Variants in PRKX observed in about 807,000 individuals in gnomAD.
PRKX encodes cAMP-dependent protein kinase catalytic subunit PRKX.
PRKX carries 12 observed loss-of-function variants against 22.0 expected under a neutral mutation model. The observed-to-expected ratio is 0.54, with a 90% CI of 0.35 to 0.88. PRKX has a LOEUF of 0.88. Ranked by LOEUF, PRKX falls within the 40% of genes least tolerant of loss-of-function variation. The probability of loss-of-function intolerance (pLI) is 0.01; values close to 1 mark genes in which losing one functional copy is unlikely to be tolerated. For missense variants in PRKX, 217 were observed against 308.0 expected (o/e 0.70, Z 2.21); for synonymous variants, 134 against 137.7 (o/e 0.97, Z 0.19).
intron 1 of PRKX, among the ~76,000 whole-genome samples, chrX:3,679,980 T>A (rs1242884430): frequency 9.0e-6 from 1 of 111,293 alleles, no homozygotes; most frequent in Non-Finnish European, 1.9e-5. Flanking sequence ...TCAGGTCTCC[T>A]CTCTCCCACT....
At chrX:3,650,600 C>T (rs112530893) in intron 3 of PRKX, among the ~76,000 whole-genome samples, 36 of 96,553 alleles carry the variant, frequency 3.7e-4, no homozygotes, top group African/African-American at 1.3e-3. Context: ...TATTCAAGGC[C>T]GGGCACGGTG....
At chrX:3,639,701 T>C in intron 4 of PRKX, among the ~76,000 whole-genome samples, 1 of 110,863 alleles carries the variant, frequency 9.0e-6, no homozygotes, top group African/African-American at 3.3e-5. Flanking sequence ...CGGGTTCCAC[T>C]CTCCTCCTGC....
At chrX:3,650,376 C>A (rs1416699404) in intron 3 of PRKX, among the ~76,000 whole-genome samples, 6 of 106,681 alleles carry the variant, frequency 5.6e-5, no homozygotes, top group Admixed American at 5.1e-4. Flanking sequence ...AAAAAATTAG[C>A]CGGGCGTGGT....
intron 2 of PRKX, chrX:3,668,296 C>T (rs916515126): frequency 3.6e-5 from 4 of 111,776 alleles, no homozygotes; most frequent in Non-Finnish European, 5.6e-5. Flanking sequence ...AGCTGCCTGC[C>T]TTCACTCTGG....
At chrX:3,620,874 G>A (rs759932799) in intron 6 of PRKX, among the ~76,000 whole-genome samples, 8 of 111,766 alleles carry the variant, frequency 7.2e-5, no homozygotes, top group Non-Finnish European at 1.3e-4. Flanking sequence ...AAAAGCCACC[G>A]AATTGCACAT....
At chrX:3,697,464 G>C (rs1202228379) in intron 1 of PRKX, among the ~76,000 whole-genome samples, 1 of 111,431 alleles carries the variant, frequency 9.0e-6, no homozygotes, top group East Asian at 2.8e-4. Context: ...TTATCTCCTG[G>C]GTCACTAATC....
rs756419498 is a variant in PRKX, at chrX:3,638,366, C to G, written c.719+3486G>C. Among the ~76,000 whole-genome samples the G allele has an allele frequency of 2.7e-4, 30 of 111,292 alleles. No individual in the cohort carries two copies. The Middle Eastern group carries it at 0.014, about 51-fold the overall frequency. On this transcript the variant is annotated intron_variant, in intron 4 of 8. Coordinates refer to ENST00000262848, the MANE Select transcript of PRKX (RefSeq NM_005044.5). Reference sequence around the variant, plus strand: ...TAGTATATTGTATTCTAATAATAGTCTACTCTATCCTAGAATCAATAAAAT... The same window carrying G: ...TAGTATATTGTATTCTAATAATAGTGTACTCTATCCTAGAATCAATAAAAT...
chrX:3,690,358 C>G (rs1196313692), intron 1 of PRKX, among the ~76,000 whole-genome samples: 1 of 112,327 alleles, frequency 8.9e-6, no homozygotes, highest in Non-Finnish European at 1.9e-5. Context: ...CATTTTTACA[C>G]TGTCCTAATT....
chrX:3,697,648 G>A lies in PRKX; in HGVS notation c.166+15440C>T, dbSNP rs774178857. On this transcript the variant is annotated intron_variant, in intron 1 of 8. Coordinates refer to ENST00000262848, the MANE Select transcript of PRKX (RefSeq NM_005044.5). Reference sequence around the variant, plus strand: ...GCAGTTCCAACTTCCAGGCTCAGGCGATCGTCCTGCGTCAGCCTCCTGAGT... The same window carrying A: ...GCAGTTCCAACTTCCAGGCTCAGGCAATCGTCCTGCGTCAGCCTCCTGAGT... 2.7e-5 allele frequency among the ~76,000 whole-genome samples: 3 copies of A among 109,628 alleles called. No individual in the cohort carries two copies. In the East Asian group the frequency reaches 8.6e-4, roughly 31 times the overall value.
intron 4 of PRKX, among the ~76,000 whole-genome samples, chrX:3,640,101 G>A (rs1426513375): frequency 9.1e-6 from 1 of 110,166 alleles, no homozygotes; most frequent in East Asian, 2.9e-4. Context: ...ATGTGAGGGA[G>A]GATCTGGCTT....
chrX:3,685,034 C>G (rs1928148776), intron 1 of PRKX, among the ~76,000 whole-genome samples: 1 of 111,229 alleles, frequency 9.0e-6, no homozygotes, highest in Non-Finnish European at 1.9e-5. Context: ...CCAGGCTGGT[C>G]TCAAACTCCT....
intron 8 of PRKX, among the ~76,000 whole-genome samples, chrX:3,610,237 T>C (rs1376980798): frequency 2.7e-5 from 3 of 111,779 alleles, no homozygotes; most frequent in African/African-American, 6.5e-5. Flanking sequence ...TCCCAGCACT[T>C]TGGGAGGCCG....
At chrX:3,680,800 C>A (rs1603474517) in intron 1 of PRKX, among the ~76,000 whole-genome samples, 2 of 112,203 alleles carry the variant, frequency 1.8e-5, no homozygotes, top group East Asian at 5.6e-4. Flanking sequence ...CAACTGTAAT[C>A]CCAGCACTTT....
intron 1 of PRKX, among the ~76,000 whole-genome samples, chrX:3,684,373 T>G (rs890642312): frequency 8.9e-6 from 1 of 112,175 alleles, no homozygotes; most frequent in African/African-American, 3.2e-5. Flanking sequence ...TGTTGGTTAT[T>G]TCTTTTCATC....
intron 1 of PRKX, among the ~76,000 whole-genome samples, chrX:3,690,072 T>C (rs777730769): frequency 8.9e-6 from 1 of 112,594 alleles, no homozygotes; most frequent in African/African-American, 3.2e-5. Context: ...TCTTATGGTA[T>C]AGAAATTGTA....
At position 3,605,900 on chromosome X, in the gene PRKX, A is replaced by T. The variant is rs1244453621; in HGVS notation, c.*3069T>A. The T allele has an allele frequency of 4.5e-5, 5 of 112,127 alleles. No individual in the cohort carries two copies. The highest frequency in any genetic ancestry group is 9.4e-5 in the Non-Finnish European group (5 of 53,271). The allele number at this position is 112,127 out of a possible 1,213,427, so 9.2% of individuals were successfully genotyped here. A position where few individuals can be genotyped will look rare whatever the true frequency, so the allele number is the denominator to read the frequency against. Reference sequence around the variant, plus strand: ...ATAATTTGCCCATCGCTGGCTATAGATATGTTTAGGCTAAGCAGGATTTAG... The same window carrying T: ...ATAATTTGCCCATCGCTGGCTATAGTTATGTTTAGGCTAAGCAGGATTTAG... On this transcript the variant is annotated 3_prime_UTR_variant, in exon 9 of 9. Transcript: ENST00000262848.
intron 2 of PRKX, among the ~76,000 whole-genome samples, chrX:3,673,299 T>A (rs1432718002): frequency 9.0e-6 from 1 of 111,351 alleles, no homozygotes; most frequent in African/African-American, 3.3e-5. Context: ...GGAATGAGTG[T>A]GTGAACAGCA....
At chrX:3,664,456 T>G (rs1927678577) in intron 2 of PRKX, among the ~76,000 whole-genome samples, 2 of 111,824 alleles carry the variant, frequency 1.8e-5, no homozygotes, top group African/African-American at 6.5e-5. Flanking sequence ...CAGGCTGTTC[T>G]AAAACTCCTG....
intron 1 of PRKX, among the ~76,000 whole-genome samples, chrX:3,694,462 A>G (rs995481071): frequency 8.0e-5 from 9 of 112,068 alleles, no homozygotes; most frequent in Non-Finnish European, 1.5e-4. Context: ...ACACAGACAC[A>G]GAGGAGAAGG....
Sources: gnomAD v4.1 joint callset for allele counts (sites outside exome capture counted in the v4.1 genomes callset) on GRCh38, gnomAD v4.1.1 for gene constraint, MANE v1.5 for transcripts, NCBI Gene and HGNC (gene_info 2026-07-23, HGNC 2026-07-21) for gene names.